CPED1: variants seen among roughly 807,000 people sequenced by gnomAD.
The protein encoded by CPED1 is cadherin-like and PC-esterase domain-containing protein 1.
Under a neutral mutation model 128.2 loss-of-function variants are expected in CPED1, and 114 were observed. The observed-to-expected ratio is 0.89, with a 90% CI of 0.76 to 1.04. The LOEUF is 1.04. Ranked by LOEUF, CPED1 falls within the 50% of genes least tolerant of loss-of-function variation. The pLI is 0.00. For missense variants in CPED1, 1,211 were observed against 1,207.1 expected (o/e 1.00, Z -0.05); for synonymous variants, 462 against 426.7 (o/e 1.08, Z -1.02).
At chr7:121,201,119 G>T (rs1304260992) in intron 16 of CPED1, among the ~76,000 whole-genome samples, 1 of 152,082 alleles carries the variant, frequency 6.6e-6, no homozygotes, top group Non-Finnish European at 1.5e-5. Flanking sequence ...AGGAGGAGGT[G>T]CACATCAGAT....
intron 4 of CPED1, among the ~76,000 whole-genome samples, chr7:121,048,394 G>A (rs1376807568): frequency 6.6e-6 from 1 of 152,122 alleles, no homozygotes; most frequent in Non-Finnish European, 1.5e-5. Context: ...CATCTCCCAA[G>A]ATAGAAATTA....
chr7:121,275,272 C>A (rs143644997), intron 22 of CPED1, among the ~76,000 whole-genome samples: 53 of 152,176 alleles, frequency 3.5e-4, no homozygotes, highest in African/African-American at 1.3e-3. Flanking sequence ...TATGTTGCCA[C>A]CAAGAATCTG....
At chr7:121,293,306 G>A (rs1440799088) in intron 22 of CPED1, among the ~76,000 whole-genome samples, 1 of 152,190 alleles carries the variant, frequency 6.6e-6, no homozygotes, top group Admixed American at 6.5e-5. Context: ...TTTACACTGT[G>A]AGGGGAAAAC....
chr7:121,015,968 A>G (rs1198599301), intron 3 of CPED1, 120 bp downstream of exon 3: 1 of 607,382 alleles, frequency 1.6e-6, no homozygotes, highest in Non-Finnish European at 2.5e-6. Flanking sequence ...TCCATGACCA[A>G]CTTTCTCACA....
intron 16 of CPED1, among the ~76,000 whole-genome samples, chr7:121,221,425 C>T (rs1432289591): frequency 1.3e-5 from 2 of 152,188 alleles, no homozygotes; most frequent in East Asian, 1.9e-4. Flanking sequence ...AATAAACATA[C>T]ATGTGCATGT....
chr7:121,149,930 A>G (rs528300738), intron 16 of CPED1, among the ~76,000 whole-genome samples: 1 of 152,224 alleles, frequency 6.6e-6, no homozygotes, highest in South Asian at 2.1e-4. Context: ...TTTATCTTTT[A>G]TCTATCTTTC....
At chr7:121,051,927 G>A (rs908819697) in intron 4 of CPED1, 2 of 156,360 alleles carry the variant, frequency 1.3e-5, no homozygotes, top group Non-Finnish European at 2.8e-5. Context: ...TAGATTTTCG[G>A]TATGTATGTT....
At chr7:121,078,257 G>C (rs1196911547) in intron 5 of CPED1, among the ~76,000 whole-genome samples, 1 of 151,870 alleles carries the variant, frequency 6.6e-6, no homozygotes, top group Non-Finnish European at 1.5e-5. Context: ...GTTGGCCAGG[G>C]TGGTCTCAAT....
chr7:121,096,576 C>T (rs73717449), intron 5 of CPED1, among the ~76,000 whole-genome samples: 2,018 of 152,082 alleles, frequency 0.013, 40 homozygotes, highest in African/African-American at 0.046. Context: ...AATACAAATC[C>T]GCCACTAGAC....
In CPED1 at chr7:121,295,762, C is replaced by A; in HGVS notation, c.*110C>A. On this transcript the variant is annotated 3_prime_UTR_variant, in exon 23 of 23. Coordinates refer to ENST00000310396, the MANE Select transcript of CPED1 (RefSeq NM_024913.5). ...ACACATTTGGGATCGACCACACACA[C>A]TTGTGCACACCAGCACATGCATGCA... is the stretch of plus-strand genomic sequence containing the variant. 2.5e-6 allele frequency: 2 copies of A among 789,072 alleles called. No individual in the cohort carries two copies. The highest frequency in any genetic ancestry group is 4.3e-6 in the Non-Finnish European group (2 of 470,496). 48.9% of individuals were successfully genotyped at this position (789,072 alleles called of 1,614,324 possible). A position where few individuals can be genotyped will look rare whatever the true frequency, so the allele number is the denominator to read the frequency against.
intron 16 of CPED1, among the ~76,000 whole-genome samples, chr7:121,208,688 G>T (rs1797575361): frequency 6.6e-6 from 1 of 151,924 alleles, no homozygotes; most frequent in African/African-American, 2.4e-5. Flanking sequence ...CTATTCTCTT[G>T]TCATCGTGCC....
intron 16 of CPED1, among the ~76,000 whole-genome samples, chr7:121,149,032 A>C (rs972341623): frequency 6.6e-6 from 1 of 152,104 alleles, no homozygotes; most frequent in Non-Finnish European, 1.5e-5. Context: ...TTCAATATCA[A>C]ATGACCTGGG....
chr7:121,046,377 G>C (rs1371070276), intron 3 of CPED1, among the ~76,000 whole-genome samples: 1 of 151,840 alleles, frequency 6.6e-6, no homozygotes, highest in Non-Finnish European at 1.5e-5. Context: ...TTCTTTTATG[G>C]AACATCACAA....
At chr7:121,061,641 A>G in intron 4 of CPED1, among the ~76,000 whole-genome samples, 1 of 152,330 alleles carries the variant, frequency 6.6e-6, no homozygotes, top group East Asian at 1.9e-4. Flanking sequence ...AGTCCATTAA[A>G]AAATAATTGC....
In CPED1 at chr7:121,293,859, G is replaced by A. The variant is rs192771682; in HGVS notation, c.2869-1581G>A. Among the ~76,000 whole-genome samples the A allele has an allele frequency of 7.9e-5, 12 of 152,098 alleles. No homozygotes were observed. In the East Asian group the frequency reaches 2.1e-3, roughly 27 times the overall value. On this transcript the variant is annotated intron_variant, in intron 22 of 22. Transcript: ENST00000310396. ...CACCCACTGTCTAACCAGTCCCAGTGAGATGGACCGGGTACCTCAGTTGGA... is the reference window on the plus strand; with the variant it reads ...CACCCACTGTCTAACCAGTCCCAGTAAGATGGACCGGGTACCTCAGTTGGA...
chr7:121,144,479 A>C (rs2116378281), intron 16 of CPED1, among the ~76,000 whole-genome samples: 2 of 152,174 alleles, frequency 1.3e-5, no homozygotes, highest in South Asian at 4.1e-4. Flanking sequence ...GCCAAAGACA[A>C]GTGGATATCA....
intron 16 of CPED1, among the ~76,000 whole-genome samples, chr7:121,202,154 C>T (rs1232355451): frequency 6.6e-6 from 1 of 152,170 alleles, no homozygotes; most frequent in East Asian, 1.9e-4. Context: ...GGCTTCCAAA[C>T]ACCAGACATA....
At chr7:121,047,126 A>G in intron 4 of CPED1, 133 bp downstream of exon 4, 1 of 549,656 alleles carries the variant, frequency 1.8e-6, no homozygotes, top group East Asian at 3.0e-5. Context: ...CCAACTGGCC[A>G]TGCCTTATAT....
chr7:121,096,329 T>C (rs1330023017), intron 5 of CPED1, among the ~76,000 whole-genome samples: 1 of 152,180 alleles, frequency 6.6e-6, no homozygotes, highest in Non-Finnish European at 1.5e-5. Flanking sequence ...AATTAGACTA[T>C]GTTAGTATTG....
Sources: gnomAD v4.1 joint callset for allele counts (sites outside exome capture counted in the v4.1 genomes callset) on GRCh38, gnomAD v4.1.1 for gene constraint, MANE v1.5 for transcripts, NCBI Gene and HGNC (gene_info 2026-07-23, HGNC 2026-07-21) for gene names.